Variants in RBPJ observed in about 807,000 individuals in gnomAD.
RBPJ encodes the protein recombination signal binding protein for immunoglobulin kappa J region, also known as recombining binding protein suppressor of hairless.
RBPJ carries 9 observed loss-of-function variants against 67.8 expected under a neutral mutation model. The observed-to-expected ratio is 0.13, with a 90% CI of 0.08 to 0.23. RBPJ has a LOEUF of 0.23. Ranked by LOEUF, RBPJ falls within the 10% of genes least tolerant of loss-of-function variation. RBPJ has a pLI of 1.00. For synonymous variants in RBPJ, 198 were observed against 203.3 expected (o/e 0.97, Z 0.22); for missense variants, 305 against 595.6 (o/e 0.51, Z 5.08).
chr4:26,353,969 C>T (rs910688356), intron 1 of RBPJ, among the ~76,000 whole-genome samples: 14 of 150,666 alleles, frequency 9.3e-5, no homozygotes, highest in South Asian at 2.1e-4. Flanking sequence ...TCGCTCTGTC[C>T]GCCCAGGCTG....
At chr4:26,305,946 A>T (rs1241297357) in intron 1 of RBPJ, among the ~76,000 whole-genome samples, 11 of 146,934 alleles carry the variant, frequency 7.5e-5, no homozygotes, top group African/African-American at 2.5e-4. Flanking sequence ...CCCTTGGCTA[A>T]TTTTTTTTTT....
intron 4 of RBPJ, 77 bp downstream of exon 4, chr4:26,415,717 G>A: frequency 1.4e-6 from 2 of 1,390,032 alleles, no homozygotes; most frequent in Non-Finnish European, 1.9e-6. Context: ...TTTTTGTGGT[G>A]GAGATTTTTT....
intron 1 of RBPJ, among the ~76,000 whole-genome samples, chr4:26,216,793 TGCACACCTGCAGTCCCG>T (rs1402086060): frequency 6.6e-6 from 1 of 151,990 alleles, no homozygotes; most frequent in African/African-American, 2.4e-5. Context: ...GGTGTGGTGG[TGCACACCTGCAGTCCCG>T]GCTACTTGGC....
upstream of RBPJ, chr4:26,320,981 CG>C (rs1301294152): frequency 1.9e-6 from 3 of 1,605,408 alleles, no homozygotes; most frequent in South Asian, 1.1e-5. Context: ...GGGAAGGCGT[CG>C]GGGGGAATCT....
At position 26,424,247 on chromosome 4, in the gene RBPJ, G is replaced by A; in HGVS notation, c.497-95G>A. The A allele has an allele frequency of 8.6e-7, 1 of 1,168,522 alleles. No individual in the cohort carries two copies. The highest frequency in any genetic ancestry group is 1.4e-5 in the South Asian group (1 of 70,250). The allele number at this position is 1,168,522 out of a possible 1,614,324, so 72.4% of individuals were successfully genotyped here. A position where few individuals can be genotyped will look rare whatever the true frequency, so the allele number is the denominator to read the frequency against. On this transcript the variant is annotated intron_variant, in intron 5 of 10. Transcript: ENST00000355476. The surrounding 1 kb of genome is among the most constrained non-coding windows in gnomAD (Gnocchi z 5.3). ...TGTCAAACTGTTAAATGATAAGAAA[G>A]AATAATTATACACTGCCAAGCAGAA...
At chr4:26,180,313 T>A (rs541167713) in intron 1 of RBPJ, among the ~76,000 whole-genome samples, 1 of 137,220 alleles carries the variant, frequency 7.3e-6, no homozygotes, top group Admixed American at 7.6e-5. Flanking sequence ...ACATGTACCC[T>A]TGAACCTAAA....
At chr4:26,345,107 C>A (rs1422672020) in intron 1 of RBPJ, among the ~76,000 whole-genome samples, 2 of 152,098 alleles carry the variant, frequency 1.3e-5, no homozygotes, top group African/African-American at 4.8e-5. Context: ...TTAAAAATAA[C>A]CATTTTTGTG....
intron 1 of RBPJ, among the ~76,000 whole-genome samples, chr4:26,216,668 A>G (rs1460971281): frequency 6.6e-6 from 1 of 152,068 alleles, no homozygotes; most frequent in African/African-American, 2.4e-5. Context: ...TAATCCCAGC[A>G]TTTTGGGAGG....
At chr4:26,231,785 G>A (rs1719295743) in intron 1 of RBPJ, among the ~76,000 whole-genome samples, 2 of 152,064 alleles carry the variant, frequency 1.3e-5, no homozygotes, top group South Asian at 4.2e-4. Context: ...GTGACCTCAG[G>A]TGATCCACTC....
chr4:26,403,092 A>C (rs1463795957), intron 2 of RBPJ, among the ~76,000 whole-genome samples: 1 of 152,178 alleles, frequency 6.6e-6, no homozygotes, highest in Non-Finnish European at 1.5e-5. Flanking sequence ...AAAATTAATT[A>C]CGTATTTTTA....
At chr4:26,191,206 TATATAGAGAGAGAG>T (rs1181784166) in intron 1 of RBPJ, among the ~76,000 whole-genome samples, 701 of 30,434 alleles carry the variant, frequency 0.023, 9 homozygotes, top group South Asian at 0.044. Flanking sequence ...TATATATATA[TATATAGAGAGAGAG>T]AGAGAGAGAG....
intron 3 of RBPJ, among the ~76,000 whole-genome samples, chr4:26,408,236 G>C (rs551760433): frequency 3.9e-5 from 6 of 152,154 alleles, no homozygotes; most frequent in African/African-American, 1.4e-4. Flanking sequence ...CAATATTTAA[G>C]ATTCATACTG....
chr4:26,413,148 G>C lies in RBPJ; in HGVS notation c.156-2327G>C, dbSNP rs12639629. 0.49 allele frequency among the ~76,000 whole-genome samples: 74,388 copies of C among 152,008 alleles called. 19,321 individuals are homozygous for C. The highest frequency in any genetic ancestry group is 0.57 in the Middle Eastern group (168 of 294). On this transcript the variant is annotated intron_variant, in intron 3 of 10. Coordinates refer to ENST00000355476, the MANE Select transcript of RBPJ (RefSeq NM_015874.6). ...TGCCTGTTAATCCCCCTCTTGCTCT[G>C]TACTCCAGCCGCTCTGGTCTGTTGG...
At chr4:26,406,372 C>A in intron 3 of RBPJ, 102 bp downstream of exon 3, 1 of 723,420 alleles carries the variant, frequency 1.4e-6, no homozygotes, top group East Asian at 2.5e-5. Context: ...TTACTGGGTT[C>A]ATTTGCTAGT....
At chr4:26,365,841 G>A (rs1270482816) in intron 1 of RBPJ, among the ~76,000 whole-genome samples, 1 of 152,208 alleles carries the variant, frequency 6.6e-6, no homozygotes, top group Non-Finnish European at 1.5e-5. Context: ...AAGGAATAGA[G>A]AGTAGAAGAA....
At chr4:26,222,669 A>C (rs2109193355) in intron 1 of RBPJ, among the ~76,000 whole-genome samples, 1 of 143,774 alleles carries the variant, frequency 7.0e-6, no homozygotes, top group African/African-American at 2.6e-5. Flanking sequence ...CCTATTATGT[A>C]TCAACAAAAG....
chr4:26,368,194 A>C (rs1728811958), intron 1 of RBPJ: 1 of 152,212 alleles, frequency 6.6e-6, no homozygotes, highest in Non-Finnish European at 1.5e-5. Context: ...GTGCAGGCAT[A>C]CATCTTTAGT....
the RBPJ span, among the ~76,000 whole-genome samples, chr4:26,119,892 GT>G: frequency 1.1e-4 from 17 of 152,352 alleles, no homozygotes; most frequent in African/African-American, 4.1e-4. Flanking sequence ...AAAATACCAT[GT>G]TTGGGATCAT....
intron 1 of RBPJ, among the ~76,000 whole-genome samples, chr4:26,215,821 ACCT>A (rs1470971041): frequency 6.6e-6 from 1 of 151,422 alleles, no homozygotes; most frequent in African/African-American, 2.4e-5. Flanking sequence ...CATCCCTCTC[ACCT>A]CCTTGCCAGT....
Sources: gnomAD v4.1 joint callset for allele counts (sites outside exome capture counted in the v4.1 genomes callset) on GRCh38, gnomAD v4.1.1 for gene constraint, Gnocchi (gnomAD v3.1) non-coding constraint, MANE v1.5 for transcripts, NCBI Gene and HGNC (gene_info 2026-07-23, HGNC 2026-07-21) for gene names.